Variants in BEST2 observed in about 807,000 individuals in gnomAD.
BEST2 encodes the protein bestrophin 2.
Under a neutral mutation model 49.0 loss-of-function variants are expected in BEST2, and 36 were observed. That is an observed-to-expected ratio of 0.73 (90% CI 0.56 to 0.97). BEST2 has a LOEUF of 0.97. Among genes scored for constraint, BEST2 ranks in the 50% least tolerant of loss-of-function variants. The pLI is 0.00. For missense variants in BEST2, 672 were observed against 710.0 expected, an observed-to-expected ratio of 0.95 and a Z score of 0.61; for synonymous variants, 335 against 304.4, an observed-to-expected ratio of 1.10 and a Z score of -1.05.
chr19:12,754,962 C>T lies in BEST2; in HGVS notation c.567C>T (p.Ser189=). The change falls in exon 5 of 10, where the codon TCC becomes TCT. Residue 189 remains serine (S), a synonymous_variant. Coordinates refer to ENST00000553030, the MANE Select transcript of BEST2 (RefSeq NM_017682.3). ...ACTGGGTGCCCTGCGTCTGGTTCTC[C>T]AACCTGGCGGCACAGGCCCGACGCG... ...NKYWVPCVWF[S]NLAAQARREG... 3.7e-6 allele frequency: 6 copies of T among 1,613,838 alleles called. No individual in the cohort carries two copies. The highest frequency in any genetic ancestry group is 5.1e-6 in the Non-Finnish European group (6 of 1,179,908).
In BEST2 at chr19:12,752,631, CT is replaced by C. The variant is rs1242211388; in HGVS notation, c.41del (p.Phe14SerfsTer33). ...ACACAGCCCGAGTGGCGAACGCCCG[CT>C]TCGGTGGCTTCTCCCAGCTGCTGCT... ...TYTARVANAR[F>X]GGFSQLLLLW... On this transcript the variant is annotated frameshift_variant, in exon 2 of 10. Coordinates refer to ENST00000553030, the MANE Select transcript of BEST2 (RefSeq NM_017682.3). LOFTEE classifies it high-confidence loss of function. 1.2e-6 allele frequency: 2 copies of C among 1,612,532 alleles called. No individual in the cohort carries two copies. Among genetic ancestry groups the C allele is most frequent in the Non-Finnish European group, 1.7e-6 (2 of 1,179,866 alleles).
chr19:12,753,543 T>C (rs1254786411), intron 3 of BEST2, among the ~76,000 whole-genome samples, 189 bp downstream of exon 3: 1 of 149,746 alleles, frequency 6.7e-6, no homozygotes, highest in African/African-American at 2.5e-5. Flanking sequence ...CTCTGAGACC[T>C]GGGGTGTCAC....
At chr19:12,754,462 AC>A in intron 3 of BEST2, 89 bp from the exon 4 acceptor site, 1 of 1,119,364 alleles carries the variant, frequency 8.9e-7, no homozygotes, top group Non-Finnish European at 1.2e-6. Flanking sequence ...CCTGATGCAG[AC>A]CTTACGTTGC....
At position 12,755,529 on chromosome 19, in the gene BEST2, A is replaced by G. The variant is rs1286607046; in HGVS notation, c.714+73A>G. 2 of 1,609,182 alleles carry G rather than the reference A, an allele frequency of 1.2e-6. No homozygotes were observed. Among genetic ancestry groups the G allele is most frequent in the African/African-American group, 1.3e-5 (1 of 74,740 alleles). ...GCCTGGTTTCCAAGGGGAAACCAAG[A>G]ACTAGCTAAGACCCCCATCATAATG... is the stretch of plus-strand genomic sequence containing the variant. On this transcript the variant is annotated intron_variant, in intron 6 of 9. Transcript: ENST00000553030. This position sits in a 1 kb window ranked among gnomAD's most constrained non-coding sequence, Gnocchi z 4.4.
rs1296513269 is a variant in BEST2, at chr19:12,754,978, G to C, written c.583G>C (p.Ala195Pro). ...CTGGTTCTCCAACCTGGCGGCACAG[G>C]CCCGACGCGAGGGCCGCATCCGCGA... ...CVWFSNLAAQ[A>P]RREGRIRDNS... is the part of the protein sequence containing the mutation. The change falls in exon 5 of 10, where the codon GCC becomes CCC. Residue 195 changes from alanine to proline, a missense_variant. Around this residue, in one of 3 missense-constraint regions of BEST2, gnomAD observed 365 missense variants for 390.9 expected, o/e 0.93. Coordinates refer to ENST00000553030, the MANE Select transcript of BEST2 (RefSeq NM_017682.3). 1.2e-6 allele frequency: 2 copies of C among 1,612,990 alleles called. No individual in the cohort carries two copies. Among genetic ancestry groups the C allele is most frequent in the East Asian group, 4.5e-5 (2 of 44,876 alleles).
Position 12,755,600 on chromosome 19 carries a change from C to T in BEST2, c.715-15C>T, listed in dbSNP as rs373047931. On this transcript the variant is annotated splice_polypyrimidine_tract_variant and intron_variant, in intron 6 of 9. Coordinates refer to ENST00000553030, the MANE Select transcript of BEST2 (RefSeq NM_017682.3). This position sits in a 1 kb window ranked among gnomAD's most constrained non-coding sequence, Gnocchi z 4.4. The stretch of plus-strand genomic sequence containing the variant: ...ACCCCAATGACCCCCCTGAGCCCTG[C>T]CCCGCCCTGCCCAGGTGGTGACCAT... The T allele has an allele frequency of 2.5e-6, 4 of 1,611,124 alleles. No homozygotes were observed. In the African/African-American group the frequency reaches 5.3e-5, roughly 22 times the overall value.
chr19:12,757,312 TGA>T lies in BEST2; in HGVS notation c.1104-336_1104-335del, dbSNP rs766155371. The stretch of plus-strand genomic sequence containing the variant: ...CTGTAGTCGCAGGTACTCAGGAGGC[TGA>T]GACAGGAGAATCGCTTGAACCCGGG... On this transcript the variant is annotated intron_variant, in intron 9 of 9. Coordinates refer to ENST00000553030, the MANE Select transcript of BEST2 (RefSeq NM_017682.3). 1.1e-3 allele frequency among the ~76,000 whole-genome samples: 164 copies of T among 152,020 alleles called. 1 individual carries two copies. The highest frequency in any genetic ancestry group is 2.0e-3 in the Non-Finnish European group (138 of 68,004).
Position 12,754,746 on chromosome 19 carries a change from T to C in BEST2, c.442T>C (p.Phe148Leu). ...LILRSVSTAVFKRFPTIDHVV... is the reference protein window; with the variant it reads ...LILRSVSTAVLKRFPTIDHVV... ...CCTGCGCTCCGTCAGCACCGCGGTG[T>C]TCAAGCGCTTCCCCACCATAGACCA... Residue 148 changes from phenylalanine to leucine, a missense_variant, in exon 4 of 10, where the codon TTC (phenylalanine) becomes CTC (leucine). Phe to Leu is a conservative substitution (Grantham distance 22). Coordinates refer to ENST00000553030, the MANE Select transcript of BEST2 (RefSeq NM_017682.3). 6.3e-7 allele frequency: 1 copy of C among 1,590,438 alleles called. No individual in the cohort carries two copies. Among genetic ancestry groups the C allele is most frequent in the East Asian group, 2.3e-5 (1 of 43,918 alleles).
chr19:12,754,451 C>G, intron 3 of BEST2, 101 bp from the exon 4 acceptor site: 2 of 1,041,674 alleles, frequency 1.9e-6, no homozygotes, highest in South Asian at 3.5e-5. Context: ...GCTCGGGTTT[C>G]CCTGATGCAG....
At position 12,754,777 on chromosome 19, in the gene BEST2, T is replaced by C. The variant is rs1412449862; in HGVS notation, c.473T>C (p.Val158Ala). The change falls in exon 4 of 10, where the codon GTG becomes GCG. Residue 158 changes from valine to alanine, a missense_variant. Coordinates refer to ENST00000553030, the MANE Select transcript of BEST2 (RefSeq NM_017682.3). ...FKRFPTIDHV[V>A]EAGFMTREER... ...CGCTTCCCCACCATAGACCACGTGG[T>C]GGAGGCTGGTGAGTACTCGGCCAGA... 1 of 1,580,704 alleles carries C rather than the reference T, an allele frequency of 6.3e-7. No homozygotes were observed. Among genetic ancestry groups the C allele is most frequent in the Non-Finnish European group, 8.6e-7 (1 of 1,162,932 alleles).
Position 12,754,614 on chromosome 19 carries a change from G to T in BEST2, c.310G>T (p.Asp104Tyr). Residue 104 changes from aspartate (D) to tyrosine (Y), a missense_variant, in exon 4 of 10, where the codon GAC becomes TAC. Coordinates refer to ENST00000553030, the MANE Select transcript of BEST2 (RefSeq NM_017682.3). ...WSQYLCMPLP[D>Y]ALMCVVAGTV... is the part of the protein sequence containing the mutation. ...CCAGTACCTATGCATGCCGCTGCCC[G>T]ACGCGCTCATGTGCGTGGTGGCGGG... 1 of 1,564,458 alleles carries T rather than the reference G, an allele frequency of 6.4e-7. No homozygotes were observed. The highest frequency in any genetic ancestry group is 1.8e-5 in the Admixed American group (1 of 54,280).
chr19:12,756,326 G>C, intron 9 of BEST2, 31 bp downstream of exon 9: 1 of 1,609,318 alleles, frequency 6.2e-7, no homozygotes, highest in Non-Finnish European at 8.5e-7. Context: ...GGGCCGCCTG[G>C]GGCAGGGCTT....
chr19:12,753,232 C>T (rs756838414), intron 2 of BEST2, 28 bp from the exon 3 acceptor site: 1 of 1,608,634 alleles, frequency 6.2e-7, no homozygotes, highest in South Asian at 1.1e-5. Flanking sequence ...ACCCTTGTGA[C>T]CTGTGACCCC....
rs925250751 is a variant in BEST2, at chr19:12,754,898, G to C, written c.503G>C (p.Arg168Pro). The change falls in exon 5 of 10, where the codon CGC becomes CCC. Residue 168 changes from arginine (R) to proline (P), a missense_variant. Physicochemically the swap from Arg to Pro is moderately radical, Grantham distance 103. Transcript: ENST00000553030. The part of the protein sequence containing the change: ...VEAGFMTREE[R>P]KKFENLNSSY... Reference sequence around the variant, plus strand: ...CCAGGGTTTATGACCCGCGAGGAGCGCAAGAAGTTTGAAAACCTGAACTCA... The same window carrying C: ...CCAGGGTTTATGACCCGCGAGGAGCCCAAGAAGTTTGAAAACCTGAACTCA... 1.2e-6 allele frequency: 2 copies of C among 1,612,992 alleles called. No individual in the cohort carries two copies. Among genetic ancestry groups the C allele is most frequent in the African/African-American group, 2.7e-5 (2 of 74,906 alleles).
Position 12,756,066 on chromosome 19 carries a change from C to T in BEST2, c.949-75C>T. On this transcript the variant is annotated intron_variant, in intron 8 of 9. Transcript: ENST00000553030. ...CATCCTTCCCTCTGTGGTCCCCACC[C>T]ACCCGAAGGGGTCCACCCTGTGGTC... is the stretch of plus-strand genomic sequence containing the variant. The T allele has an allele frequency of 1.9e-6, 3 of 1,601,842 alleles. No homozygotes were observed. In the South Asian group the frequency reaches 3.3e-5, roughly 18 times the overall value.
At position 12,754,539 on chromosome 19, in the gene BEST2, C is replaced by T. The variant is rs890670997; in HGVS notation, c.248-13C>T. The T allele has an allele frequency of 2.7e-6, 4 of 1,482,194 alleles. No homozygotes were observed. The highest frequency in any genetic ancestry group is 3.6e-6 in the Non-Finnish European group (4 of 1,107,304). The allele number at this position is 1,482,194 out of a possible 1,614,324, so 91.8% of individuals were successfully genotyped here. Reference sequence around the variant, plus strand: ...GTGTCCCCACTGAGCCCCCATTCCCCGCTCCCCTGCAGGCTTTTATGTGAC... The same window carrying T: ...GTGTCCCCACTGAGCCCCCATTCCCTGCTCCCCTGCAGGCTTTTATGTGAC... On this transcript the variant is annotated splice_polypyrimidine_tract_variant and intron_variant, in intron 3 of 9. Coordinates refer to ENST00000553030, the MANE Select transcript of BEST2 (RefSeq NM_017682.3).
chr19:12,752,742 C>G lies in BEST2; in HGVS notation c.150C>G (p.Tyr50Ter). ...TCTACATGGCGCTGAGTGCTGCCTA[C>G]CGGTGAGGCTGCCCTGAGGTGCTCA... is the stretch of plus-strand genomic sequence containing the variant. ...LGFYMALSAA[Y>*]RFVLTEGQKR... Residue 50 changes from tyrosine (Y) to a stop codon, truncating the protein, a stop_gained and splice_region_variant, in exon 2 of 10, where the codon TAC becomes TAG. Transcript: ENST00000553030. LOFTEE classifies it high-confidence loss of function. 1 of 1,610,822 alleles carries G rather than the reference C, an allele frequency of 6.2e-7. No homozygotes were observed. The highest frequency in any genetic ancestry group is 8.5e-7 in the Non-Finnish European group (1 of 1,179,154).
rs749711007 is a variant in BEST2 at position 12,755,679 on chromosome 19, C to T, written c.779C>T (p.Pro260Leu). ...ACLIGRQFLDPAQGYKDHDLD... is the reference protein window; with the variant it reads ...ACLIGRQFLDLAQGYKDHDLD... ...CTCATTGGTCGCCAGTTCCTGGACC[C>T]GGCTCAGGGTTACAAAGACCACGAC... Residue 260 changes from proline to leucine, a missense_variant, in exon 7 of 10, where the codon CCG (proline) becomes CTG (leucine). By Grantham distance (98) the Pro-to-Leu change is moderately conservative. This residue lies in a region of BEST2 where 365 missense variants were observed against 390.9 expected (regional missense o/e 0.93). Coordinates refer to ENST00000553030, the MANE Select transcript of BEST2 (RefSeq NM_017682.3). This position sits in a 1 kb window ranked among gnomAD's most constrained non-coding sequence, Gnocchi z 4.4. The T allele has an allele frequency of 9.5e-5, 154 of 1,613,996 alleles. No individual in the cohort carries two copies. The highest frequency in any genetic ancestry group is 1.2e-4 in the Non-Finnish European group (140 of 1,180,044).
chr19:12,752,648 A>G lies in BEST2; in HGVS notation c.56A>G (p.Gln19Arg), dbSNP rs1967883738. The change falls in exon 2 of 10, where the codon CAG becomes CGG. Residue 19 changes from glutamine to arginine, a missense_variant. By Grantham distance (43) the Gln-to-Arg change is conservative (BLOSUM62 1). Coordinates refer to ENST00000553030, the MANE Select transcript of BEST2 (RefSeq NM_017682.3). Reference protein sequence around the residue: ...VANARFGGFSQLLLLWRGSIY... With the variant: ...VANARFGGFSRLLLLWRGSIY... ...AACGCCCGCTTCGGTGGCTTCTCCCAGCTGCTGCTACTGTGGCGTGGGAGC... is the reference window on the plus strand; with the variant it reads ...AACGCCCGCTTCGGTGGCTTCTCCCGGCTGCTGCTACTGTGGCGTGGGAGC... 7 of 1,612,686 alleles carry G rather than the reference A, an allele frequency of 4.3e-6. No individual in the cohort carries two copies. Among genetic ancestry groups the G allele is most frequent in the Non-Finnish European group, 5.9e-6 (7 of 1,179,910 alleles).
Sources: gnomAD v4.1 joint callset for allele counts (sites outside exome capture counted in the v4.1 genomes callset) on GRCh38, gnomAD v4.1.1 for gene constraint, gnomAD v4.1.1 regional missense constraint, Gnocchi (gnomAD v3.1) non-coding constraint, MANE v1.5 for transcripts, NCBI Gene and HGNC (gene_info 2026-07-23, HGNC 2026-07-21) for gene names.